Variants in CNNM2 observed in about 807,000 individuals in gnomAD.
The protein encoded by CNNM2 is cyclin and CBS domain divalent metal cation transport mediator 2, also known as metal transporter CNNM2.
In CNNM2, 12 loss-of-function variants were observed where a neutral mutation model predicts 66.9. The observed-to-expected ratio is 0.18, with a 90% confidence interval of 0.11 to 0.29. The LOEUF is 0.29. Among genes scored for constraint, CNNM2 ranks in the 10% least tolerant of loss-of-function variants. CNNM2 has a pLI of 1.00. For synonymous variants in CNNM2, 557 were observed against 501.8 expected, an observed-to-expected ratio of 1.11 and a Z score of -1.47; for missense variants, 705 against 1,167.7, an observed-to-expected ratio of 0.60 and a Z score of 5.77.
At chr10:103,027,938 T>A (rs1447632338) in intron 1 of CNNM2, among the ~76,000 whole-genome samples, 1 of 152,220 alleles carries the variant, frequency 6.6e-6, no homozygotes, top group Non-Finnish European at 1.5e-5. Flanking sequence ...TGACTTGCTC[T>A]CAGTCACACA....
chr10:102,968,910 CTTT>C (rs767809554), intron 1 of CNNM2, among the ~76,000 whole-genome samples: 6 of 99,700 alleles, frequency 6.0e-5, no homozygotes, highest in Admixed American at 1.1e-4. Context: ...CCAGTGCTGT[CTTT>C]TTTTTTTTTT....
chr10:102,942,779 G>T (rs1018022877), intron 1 of CNNM2, among the ~76,000 whole-genome samples: 1 of 152,188 alleles, frequency 6.6e-6, no homozygotes, highest in Admixed American at 6.5e-5. Context: ...TAAAAGTCCA[G>T]CATTGAAGAA....
chr10:102,988,595 G>A (rs971596323), intron 1 of CNNM2, among the ~76,000 whole-genome samples: 17 of 152,086 alleles, frequency 1.1e-4, no homozygotes, highest in African/African-American at 4.1e-4. Context: ...TTGAGTGAAT[G>A]TCTCGTTCTG....
chr10:102,950,900 A>C (rs1846800923), intron 1 of CNNM2, among the ~76,000 whole-genome samples: 1 of 151,936 alleles, frequency 6.6e-6, no homozygotes, highest in African/African-American at 2.4e-5. Flanking sequence ...CTCTATCTTT[A>C]AGTGAGGTGT....
In CNNM2 at chr10:103,073,810, C is replaced by T. The variant is rs1364428825; in HGVS notation, c.2233+1971C>T. Among the ~76,000 whole-genome samples the T allele has an allele frequency of 6.3e-5, 9 of 142,234 alleles. No individual in the cohort carries two copies. In the East Asian group the frequency reaches 1.3e-3, roughly 20 times the overall value. 93.3% of individuals were successfully genotyped at this position (142,234 alleles called of 152,430 possible). On this transcript the variant is annotated intron_variant, in intron 6 of 7. Transcript: ENST00000369878. The stretch of plus-strand genomic sequence containing the variant: ...CCGGGAAGCGGAACTTGCAGTGAGC[C>T]GAGATTCCGCCACTGCAGTCCGCAG...
At chr10:102,944,137 G>A (rs1278362839) in intron 1 of CNNM2, among the ~76,000 whole-genome samples, 2 of 144,626 alleles carry the variant, frequency 1.4e-5, no homozygotes, top group Non-Finnish European at 3.0e-5. Flanking sequence ...AGGCAAGACT[G>A]GTGCGATCTC....
chr10:102,995,083 T>TA (rs1290583729), intron 1 of CNNM2, among the ~76,000 whole-genome samples: 1 of 146,034 alleles, frequency 6.8e-6, no homozygotes, highest in African/African-American at 2.5e-5. Flanking sequence ...GCTGCCCACA[T>TA]GCGTTTGGTT....
chr10:102,965,217 A>G (rs547141863), intron 1 of CNNM2, among the ~76,000 whole-genome samples: 9 of 152,348 alleles, frequency 5.9e-5, no homozygotes, highest in African/African-American at 2.2e-4. Flanking sequence ...ACAGCTCTCT[A>G]TAAATAATGC....
intron 1 of CNNM2, among the ~76,000 whole-genome samples, chr10:102,950,796 T>A (rs902584687): frequency 6.6e-6 from 1 of 152,100 alleles, no homozygotes; most frequent in Non-Finnish European, 1.5e-5. Context: ...ACTGTAATTT[T>A]AATTTTAAGG....
At chr10:102,934,257 C>CT (rs1284128245) in intron 1 of CNNM2, among the ~76,000 whole-genome samples, 1 of 150,152 alleles carries the variant, frequency 6.7e-6, no homozygotes, top group Non-Finnish European at 1.5e-5. Flanking sequence ...AAAAGCAAGT[C>CT]TATTTCTTTC....
intron 5 of CNNM2, among the ~76,000 whole-genome samples, chr10:103,071,448 T>G (rs774408622): frequency 4.6e-5 from 7 of 152,156 alleles, no homozygotes; most frequent in Non-Finnish European, 8.8e-5. Flanking sequence ...CGAGCTCCCC[T>G]TTTGCGCAGC....
At position 102,919,852 on chromosome 10, in the gene CNNM2, A is replaced by C; in HGVS notation, c.1372A>C (p.Met458Leu). 1 of 1,614,200 alleles carries C rather than the reference A, an allele frequency of 6.2e-7. No homozygotes were observed. The highest frequency in any genetic ancestry group is 8.5e-7 in the Non-Finnish European group (1 of 1,180,042). Residue 458 changes from methionine (M) to leucine (L), a missense_variant, in exon 1 of 8, where the codon ATG becomes CTG. Coordinates refer to ENST00000369878, the MANE Select transcript of CNNM2 (RefSeq NM_017649.5). ...GATGACCCCACTCCGGGACTGCTTC[A>C]TGATCACCGGCGAAGCCATCCTGGA... ...DVMTPLRDCF[M>L]ITGEAILDFN...
In CNNM2 at chr10:103,056,023, G is replaced by T. The variant is rs138522272; in HGVS notation, c.1904-772G>T. On this transcript the variant is annotated intron_variant, in intron 3 of 7. Coordinates refer to ENST00000369878, the MANE Select transcript of CNNM2 (RefSeq NM_017649.5). ...GAATCACTTGAACCCGGGAGGTGGC[G>T]GTTGCAGTGAGCCGAGATTGCGTCA... Among the ~76,000 whole-genome samples the T allele has an allele frequency of 3.8e-3, 572 of 151,802 alleles. 4 individuals are homozygous for T. The highest frequency in any genetic ancestry group is 0.013 in the African/African-American group (542 of 41,350).
intron 1 of CNNM2, among the ~76,000 whole-genome samples, chr10:103,004,655 G>C (rs2064191015): frequency 6.6e-6 from 1 of 152,180 alleles, no homozygotes; most frequent in Admixed American, 6.5e-5. Context: ...GCTTGTGTTT[G>C]GTTTTAGTAA....
chr10:103,036,220 G>A (rs2064935632), intron 1 of CNNM2, among the ~76,000 whole-genome samples: 1 of 152,182 alleles, frequency 6.6e-6, no homozygotes, highest in Non-Finnish European at 1.5e-5. Context: ...AGCCCAAATT[G>A]ATAGGACAGG....
chr10:103,038,181 T>C (rs1335973330), intron 1 of CNNM2, among the ~76,000 whole-genome samples: 1 of 152,170 alleles, frequency 6.6e-6, no homozygotes, highest in Non-Finnish European at 1.5e-5. Context: ...AACATGTAAA[T>C]GTTGATGTCC....
intron 1 of CNNM2, among the ~76,000 whole-genome samples, chr10:102,990,793 C>T (rs934811635): frequency 6.6e-6 from 1 of 152,044 alleles, no homozygotes; most frequent in African/African-American, 2.4e-5. Flanking sequence ...TGTATCTGTC[C>T]GTTCCTTAAT....
intron 1 of CNNM2, among the ~76,000 whole-genome samples, chr10:102,966,102 G>C (rs139780733): frequency 1.7e-3 from 256 of 152,270 alleles, no homozygotes; most frequent in African/African-American, 5.0e-3. Flanking sequence ...TCCACTTGCA[G>C]ATTTTATATT....
chr10:103,063,114 CAG>C (rs1409281484), intron 4 of CNNM2, among the ~76,000 whole-genome samples: 3 of 152,104 alleles, frequency 2.0e-5, no homozygotes, highest in African/African-American at 7.2e-5. Flanking sequence ...AATGGTCAGT[CAG>C]ATGGTCCAAA....
Sources: gnomAD v4.1 joint callset for allele counts (sites outside exome capture counted in the v4.1 genomes callset) on GRCh38, gnomAD v4.1.1 for gene constraint, MANE v1.5 for transcripts, NCBI Gene and HGNC (gene_info 2026-07-23, HGNC 2026-07-21) for gene names.